Variants in SYT1 observed in about 807,000 individuals in gnomAD.
The protein encoded by SYT1 is synaptotagmin-1.
In SYT1, 8 loss-of-function variants were observed where a neutral mutation model predicts 44.8. The ratio of observed to expected loss-of-function variants is 0.18; its 90% CI spans 0.10 to 0.32. SYT1 has a LOEUF of 0.32. SYT1 is among the 10% of genes least tolerant of loss of function. The probability of loss-of-function intolerance (pLI) is 1.00; values close to 1 mark genes in which losing one functional copy is unlikely to be tolerated. For synonymous variants in SYT1, 154 were observed against 188.8 expected (o/e 0.82, Z 1.51); for missense variants, 286 against 509.3 (o/e 0.56, Z 4.22).
chr12:79,428,474 A>G (rs1393466219), intron 9 of SYT1, among the ~76,000 whole-genome samples: 1 of 152,178 alleles, frequency 6.6e-6, no homozygotes, highest in African/African-American at 2.4e-5. Flanking sequence ...AGCATGCACC[A>G]TCTGAAGACA....
chr12:79,281,807 A>G (rs571220258), intron 4 of SYT1, among the ~76,000 whole-genome samples: 1 of 152,200 alleles, frequency 6.6e-6, no homozygotes, highest in African/African-American at 2.4e-5. Context: ...TTGTTGCTAT[A>G]ATGAATTATT....
chr12:79,293,330 TAAAATAAAATAAAATAAAATAAA>T (rs1879690955), intron 6 of SYT1, among the ~76,000 whole-genome samples: 1 of 3,330 alleles, frequency 3.0e-4, no homozygotes, highest in African/African-American at 2.3e-3. Flanking sequence ...TCTCAAAAAA[TAAAATAAAATAAAATAAAATAAA>T]ATAAAATAAA....
chr12:79,299,668 C>T, intron 8 of SYT1, 117 bp downstream of exon 8: 2 of 1,302,224 alleles, frequency 1.5e-6, no homozygotes, highest in Admixed American at 5.1e-5. Context: ...TAGTTGTTGA[C>T]AGCTGATAAA....
intron 1 of SYT1, among the ~76,000 whole-genome samples, chr12:78,967,774 T>C (rs1167269418): frequency 6.6e-6 from 1 of 151,832 alleles, no homozygotes; most frequent in Non-Finnish European, 1.5e-5. Context: ...ATTATAGAAA[T>C]AGGAAAGTGC....
chr12:79,234,712 CTTTT>C (rs869074290), intron 4 of SYT1, among the ~76,000 whole-genome samples: 4 of 28,816 alleles, frequency 1.4e-4, no homozygotes, highest in South Asian at 7.8e-4. Flanking sequence ...TTCTTTCTTT[CTTTT>C]TTTTTTTTTT....
In SYT1 at chr12:78,894,330, G is replaced by GTTTTTTT. The variant is rs566175647; in HGVS notation, c.-217+29250_-217+29256dup. 6.5e-4 allele frequency among the ~76,000 whole-genome samples: 18 copies of GTTTTTTT among 27,730 alleles called. 5 individuals carry two copies. The highest frequency in any genetic ancestry group is 9.2e-4 in the Non-Finnish European group (14 of 15,136). The allele number at this position is 27,730 out of a possible 152,430, so 18.2% of individuals were successfully genotyped here. ...AATTTATGATTGTGTTTTTTAATCT[G>GTTTTTTT]TTTTTTTTTTTTTTTTTTTTTTTTT... On this transcript the variant is annotated intron_variant, in intron 1 of 10. Coordinates refer to ENST00000261205, the MANE Select transcript of SYT1 (RefSeq NM_005639.3).
intron 3 of SYT1, among the ~76,000 whole-genome samples, chr12:79,180,471 A>G (rs1474744360): frequency 1.4e-5 from 1 of 70,074 alleles, no homozygotes. Flanking sequence ...CTGGTAATTT[A>G]TTTTCTTTTT....
At chr12:79,446,534 T>C (rs1870745402) in intron 10 of SYT1, among the ~76,000 whole-genome samples, 2 of 152,154 alleles carry the variant, frequency 1.3e-5, no homozygotes, top group African/African-American at 4.8e-5. Context: ...TATAGCTAGA[T>C]GTGGCTGGTA....
intron 4 of SYT1, among the ~76,000 whole-genome samples, chr12:79,240,845 T>C (rs935027884): frequency 5.9e-5 from 9 of 152,170 alleles, no homozygotes; most frequent in Non-Finnish European, 8.8e-5. Context: ...ATAAGAAATA[T>C]GCATCTAAAA....
chr12:79,216,757 A>T (rs921913339), intron 3 of SYT1, among the ~76,000 whole-genome samples: 1 of 152,176 alleles, frequency 6.6e-6, no homozygotes, highest in African/African-American at 2.4e-5. Context: ...TTCTAATTAA[A>T]TAAGCTAAAT....
chr12:78,889,745 T>C (rs909456862), intron 1 of SYT1, among the ~76,000 whole-genome samples: 5 of 151,988 alleles, frequency 3.3e-5, no homozygotes, highest in African/African-American at 9.7e-5. Context: ...CAATGATACA[T>C]TGTAGTTGAT....
chr12:79,428,692 A>T (rs1014928482), intron 9 of SYT1, among the ~76,000 whole-genome samples: 5 of 152,234 alleles, frequency 3.3e-5, no homozygotes, highest in African/African-American at 1.2e-4. Flanking sequence ...TCTGAGAATT[A>T]TAAATGTAAA....
At chr12:79,060,750 C>A (rs1252218627) in intron 3 of SYT1, among the ~76,000 whole-genome samples, 1 of 151,998 alleles carries the variant, frequency 6.6e-6, no homozygotes, top group Non-Finnish European at 1.5e-5. Context: ...AAAATGAAAT[C>A]TTTTTGCCAA....
At chr12:79,398,998 T>A (rs1884974188) in intron 9 of SYT1, among the ~76,000 whole-genome samples, 1 of 152,158 alleles carries the variant, frequency 6.6e-6, no homozygotes. Flanking sequence ...TGAAAATAAA[T>A]CATGTAGTCT....
chr12:78,937,066 G>A (rs1318337927), intron 1 of SYT1, among the ~76,000 whole-genome samples: 1 of 152,112 alleles, frequency 6.6e-6, no homozygotes, highest in Non-Finnish European at 1.5e-5. Context: ...CATTTCAAAG[G>A]AGGAAATATT....
intron 7 of SYT1, 92 bp from the exon 8 acceptor site, chr12:79,299,292 C>A: frequency 7.2e-7 from 1 of 1,380,122 alleles, no homozygotes; most frequent in Non-Finnish European, 1.0e-6. Flanking sequence ...TCTGTTTATG[C>A]AACGTAAATA....
Position 79,181,021 on chromosome 12 carries a change from G to T in SYT1, c.-17-36482G>T, listed in dbSNP as rs114037052. 2.4e-3 allele frequency among the ~76,000 whole-genome samples: 368 copies of T among 152,096 alleles called. 3 individuals are homozygous for T. The highest frequency in any genetic ancestry group is 7.2e-3 in the African/African-American group (299 of 41,510). On this transcript the variant is annotated intron_variant, in intron 3 of 10. Coordinates refer to ENST00000261205, the MANE Select transcript of SYT1 (RefSeq NM_005639.3). ...TTCACTCTGCATTCTCCTTGCTGCC[G>T]CCACATGAAGAAGGACGTATATGCG...
chr12:78,943,195 A>G (rs1878476034), intron 1 of SYT1, among the ~76,000 whole-genome samples: 1 of 152,092 alleles, frequency 6.6e-6, no homozygotes, highest in African/African-American at 2.4e-5. Flanking sequence ...GGAATTTCTC[A>G]TGGAGTCTCA....
chr12:79,046,564 T>C (rs1874075135), intron 2 of SYT1: 2 of 152,094 alleles, frequency 1.3e-5, no homozygotes, highest in African/African-American at 4.8e-5. Flanking sequence ...ATGTTGCCTC[T>C]TGAGAAGGGT....
Sources: allele counts gnomAD v4.1 joint callset (sites outside exome capture counted in the v4.1 genomes callset), GRCh38; gene constraint gnomAD v4.1.1; transcripts MANE v1.5; gene names NCBI Gene and HGNC (gene_info 2026-07-23, HGNC 2026-07-21).